Variants in CDC42SE2 observed in about 807,000 individuals in gnomAD.
CDC42SE2 encodes CDC42 small effector protein 2.
Under a neutral mutation model 11.5 loss-of-function variants are expected in CDC42SE2, and 3 were observed. The ratio of observed to expected loss-of-function variants is 0.26; its 90% CI spans 0.12 to 0.67. The LOEUF (loss-of-function observed/expected upper bound fraction) is 0.67, where lower values mean the gene tolerates loss of function less well. Among genes scored for constraint, CDC42SE2 ranks in the 30% least tolerant of loss-of-function variants. The probability of loss-of-function intolerance (pLI) is 0.80; values close to 1 mark genes in which losing one functional copy is unlikely to be tolerated. For missense variants in CDC42SE2, 82 were observed against 106.8 expected (o/e 0.77, Z 1.02); for synonymous variants, 33 against 34.8 (o/e 0.95, Z 0.18).
chr5:131,217,452 C>T, the CDC42SE2 span, among the ~76,000 whole-genome samples: 8 of 152,208 alleles, frequency 5.3e-5, no homozygotes, highest in Non-Finnish European at 8.8e-5. Flanking sequence ...GAAAGTGCCT[C>T]TCATATAGGC....
intron 2 of CDC42SE2, among the ~76,000 whole-genome samples, chr5:131,348,338 T>G (rs1227006153): frequency 6.6e-6 from 1 of 152,146 alleles, no homozygotes; most frequent in Non-Finnish European, 1.5e-5. Flanking sequence ...ACAAGCATTC[T>G]TATACATCAA....
In CDC42SE2 at chr5:131,362,067, G is replaced by T. The variant is rs568881779; in HGVS notation, c.54+2520G>T. On this transcript the variant is annotated intron_variant, in intron 3 of 4. Coordinates refer to ENST00000505065, the MANE Select transcript of CDC42SE2 (RefSeq NM_001375635.1). ...AACATTTGGGCCCAAAAGCAGGAGT[G>T]CCTGTCCTCACCTATGTTTGTCCGT... Among the ~76,000 whole-genome samples the T allele has an allele frequency of 1.6e-3, 239 of 152,206 alleles. 1 individual carries two copies. The highest frequency in any genetic ancestry group is 5.5e-3 in the African/African-American group (229 of 41,532).
intron 1 of CDC42SE2, among the ~76,000 whole-genome samples, chr5:131,279,133 G>C (rs1239471868): frequency 6.6e-6 from 1 of 151,922 alleles, no homozygotes. Context: ...ACTTATTTTG[G>C]TTTAAAGAAA....
chr5:131,213,598 A>G, the CDC42SE2 span, among the ~76,000 whole-genome samples: 1 of 151,904 alleles, frequency 6.6e-6, no homozygotes, highest in African/African-American at 2.4e-5. Context: ...ACAGGTGCAC[A>G]CCACCACACC....
At chr5:131,285,835 T>G (rs1042139373) in intron 1 of CDC42SE2, among the ~76,000 whole-genome samples, 1 of 152,150 alleles carries the variant, frequency 6.6e-6, no homozygotes, top group African/African-American at 2.4e-5. Context: ...TACCACAGCT[T>G]CTTCCAGTTG....
At chr5:131,350,678 T>C (rs1049326928) in intron 2 of CDC42SE2, among the ~76,000 whole-genome samples, 2 of 151,986 alleles carry the variant, frequency 1.3e-5, no homozygotes, top group East Asian at 1.9e-4. Flanking sequence ...CGTATAAATA[T>C]ATAATTCTTA....
At chr5:131,242,655 A>G (rs1756548905), upstream of CDC42SE2, among the ~76,000 whole-genome samples, 1 of 152,182 alleles carries the variant, frequency 6.6e-6, no homozygotes, top group Admixed American at 6.5e-5. Context: ...GAGCTACTTA[A>G]TATGTATGCT....
At chr5:131,358,337 C>G in intron 2 of CDC42SE2, among the ~76,000 whole-genome samples, 1 of 152,128 alleles carries the variant, frequency 6.6e-6, no homozygotes, top group Non-Finnish European at 1.5e-5. Flanking sequence ...TGAAACTGAT[C>G]TTAGGGATGC....
intron 2 of CDC42SE2, among the ~76,000 whole-genome samples, chr5:131,341,929 A>T (rs1758720426): frequency 1.3e-5 from 2 of 151,732 alleles, no homozygotes. Flanking sequence ...AATTATACCA[A>T]GTAGTCTAAA....
intron 2 of CDC42SE2, among the ~76,000 whole-genome samples, chr5:131,339,246 GAAAAA>G (rs34594352): frequency 1.8e-4 from 5 of 28,242 alleles, no homozygotes; most frequent in Non-Finnish European, 2.2e-4. Flanking sequence ...GACTCTGTCT[GAAAAA>G]AAAAAAAAAA....
intron 3 of CDC42SE2, among the ~76,000 whole-genome samples, chr5:131,384,275 A>G (rs769480669): frequency 2.5e-4 from 38 of 152,214 alleles, no homozygotes; most frequent in Admixed American, 1.3e-3. Flanking sequence ...CTTCTAAAAT[A>G]TATGCATGGG....
intron 3 of CDC42SE2, among the ~76,000 whole-genome samples, chr5:131,366,163 T>C (rs916316724): frequency 6.6e-6 from 1 of 152,240 alleles, no homozygotes; most frequent in Non-Finnish European, 1.5e-5. Flanking sequence ...TTCTTGTAGA[T>C]AGTCACTTTG....
intron 1 of CDC42SE2, among the ~76,000 whole-genome samples, chr5:131,264,913 CT>C (rs1448983295): frequency 6.6e-6 from 1 of 152,080 alleles, no homozygotes; most frequent in Admixed American, 6.6e-5. Context: ...AAATGATAAG[CT>C]TTTTTAGGGG....
At chr5:131,305,050 T>G (rs1354868201) in intron 1 of CDC42SE2, among the ~76,000 whole-genome samples, 1 of 152,166 alleles carries the variant, frequency 6.6e-6, no homozygotes, top group Non-Finnish European at 1.5e-5. Context: ...CCTAGGAGAT[T>G]AGCTGATCTG....
At chr5:131,286,396 T>TTG (rs904746770) in intron 1 of CDC42SE2, among the ~76,000 whole-genome samples, 1 of 149,902 alleles carries the variant, frequency 6.7e-6, no homozygotes, top group African/African-American at 2.5e-5. Flanking sequence ...TTTTTTTTTT[T>TTG]TTTTTTTTTT....
Position 131,390,980 on chromosome 5 carries a change from T to A in CDC42SE2, c.157-13T>A. ...CTTCCATTTTGTTTTGTTGTATTTT[T>A]GTCTTGTTTTAGGTTAGCTCCATTC... On this transcript the variant is annotated splice_polypyrimidine_tract_variant and intron_variant, in intron 4 of 4. Coordinates refer to ENST00000505065, the MANE Select transcript of CDC42SE2 (RefSeq NM_001375635.1). 6.3e-7 allele frequency: 1 copy of A among 1,587,290 alleles called. No homozygotes were observed.
chr5:131,324,864 C>T (rs1733551311), intron 2 of CDC42SE2, among the ~76,000 whole-genome samples: 2 of 152,110 alleles, frequency 1.3e-5, no homozygotes, highest in Non-Finnish European at 2.9e-5. Flanking sequence ...GTTTTCAAAA[C>T]ATGGGGTACG....
chr5:131,269,917 C>G (rs982713498), intron 1 of CDC42SE2, among the ~76,000 whole-genome samples: 1 of 151,514 alleles, frequency 6.6e-6, no homozygotes, highest in African/African-American at 2.4e-5. Flanking sequence ...AAGAGTTAGC[C>G]GGGCGCGGTG....
intron 1 of CDC42SE2, among the ~76,000 whole-genome samples, chr5:131,303,214 TGTAAA>T (rs1262110333): frequency 6.6e-6 from 1 of 152,226 alleles, no homozygotes; most frequent in African/African-American, 2.4e-5. Context: ...TTTCTGGGCC[TGTAAA>T]GTGAGGAAAT....
Sources: gnomAD v4.1 joint callset for allele counts (sites outside exome capture counted in the v4.1 genomes callset) on GRCh38, gnomAD v4.1.1 for gene constraint, MANE v1.5 for transcripts, NCBI Gene and HGNC (gene_info 2026-07-23, HGNC 2026-07-21) for gene names.